MCTP1: variants seen among roughly 807,000 people sequenced by gnomAD.
MCTP1 encodes the protein multiple C2 and transmembrane domain-containing protein 1.
MCTP1 carries 69 observed loss-of-function variants against 120.6 expected under a neutral mutation model. The observed-to-expected ratio is 0.57, with a 90% confidence interval of 0.47 to 0.70. The LOEUF (loss-of-function observed/expected upper bound fraction) is 0.70. Ranked by LOEUF, MCTP1 falls within the 30% of genes least tolerant of loss-of-function variation. The pLI is 0.00. For missense variants in MCTP1, 1,203 were observed against 1,248.8 expected, an observed-to-expected ratio of 0.96 and a Z score of 0.55; for synonymous variants, 529 against 493.1, an observed-to-expected ratio of 1.07 and a Z score of -0.96.
intron 1 of MCTP1, among the ~76,000 whole-genome samples, chr5:95,101,342 C>T (rs908977427): frequency 6.6e-6 from 1 of 152,134 alleles, no homozygotes; most frequent in African/African-American, 2.4e-5. Flanking sequence ...GGTAATATTT[C>T]CTGTTGAGAT....
intron 1 of MCTP1, among the ~76,000 whole-genome samples, chr5:95,192,739 A>G (rs980742485): frequency 6.6e-6 from 1 of 152,118 alleles, no homozygotes; most frequent in African/African-American, 2.4e-5. Context: ...AGGGCTCTGA[A>G]AAGGCTTTAA....
chr5:95,207,468 C>G (rs761706603), intron 1 of MCTP1, among the ~76,000 whole-genome samples: 2 of 152,154 alleles, frequency 1.3e-5, no homozygotes, highest in African/African-American at 4.8e-5. Context: ...GCATACTCTT[C>G]AAAATGCTTT....
chr5:95,092,496 T>C (rs1392486564), intron 1 of MCTP1, among the ~76,000 whole-genome samples: 1 of 152,212 alleles, frequency 6.6e-6, no homozygotes, highest in African/African-American at 2.4e-5. Flanking sequence ...ATTTATTGTA[T>C]ATTTGCAAAT....
At chr5:94,747,089 A>G (rs1278765546) in intron 19 of MCTP1, among the ~76,000 whole-genome samples, 3 of 152,082 alleles carry the variant, frequency 2.0e-5, no homozygotes, top group Admixed American at 6.6e-5. Context: ...GCCTTTATCC[A>G]TATCTTCTGC....
At chr5:95,130,971 G>A (rs745748283) in intron 1 of MCTP1, among the ~76,000 whole-genome samples, 4 of 151,982 alleles carry the variant, frequency 2.6e-5, no homozygotes, top group African/African-American at 7.2e-5. Context: ...GGAAAATTCC[G>A]GGACACGTTT....
chr5:95,136,407 GT>G (rs1325338817), intron 1 of MCTP1, among the ~76,000 whole-genome samples: 1 of 152,228 alleles, frequency 6.6e-6, no homozygotes, highest in Admixed American at 6.5e-5. Context: ...GTGATGAGAT[GT>G]TAAGTTAAGC....
chr5:94,858,453 A>G (rs1795119939), intron 17 of MCTP1, among the ~76,000 whole-genome samples: 1 of 151,728 alleles, frequency 6.6e-6, no homozygotes, highest in Admixed American at 6.6e-5. Context: ...TATTATATCA[A>G]GTCGGCAATT....
chr5:94,871,017 C>T lies in MCTP1; in HGVS notation c.2140-44G>A, dbSNP rs1333089864. Reference sequence around the variant, plus strand: ...ACAGCCGTCTGTCTCGCGGTCTCTACTGAATACACTCCCTCAGTGACCTTT... The same window carrying T: ...ACAGCCGTCTGTCTCGCGGTCTCTATTGAATACACTCCCTCAGTGACCTTT... On this transcript the variant is annotated intron_variant, in intron 14 of 22. Coordinates refer to ENST00000515393, the MANE Select transcript of MCTP1 (RefSeq NM_024717.7). The T allele has an allele frequency of 2.8e-6, 4 of 1,453,780 alleles. 1 individual carries two copies. In the Admixed American group the frequency reaches 6.7e-5, roughly 24 times the overall value. The allele number at this position is 1,453,780 out of a possible 1,614,324, so 90.1% of individuals were successfully genotyped here. A position where few individuals can be genotyped will look rare whatever the true frequency, so the allele number is the denominator to read the frequency against.
At position 94,888,960 on chromosome 5, in the gene MCTP1, T is replaced by C. The variant is rs1801933122; in HGVS notation, c.1852A>G (p.Ile618Val). The C allele has an allele frequency of 1.9e-6, 3 of 1,612,988 alleles. No individual in the cohort carries two copies. The highest frequency in any genetic ancestry group is 2.5e-6 in the Non-Finnish European group (3 of 1,178,988). Residue 618 changes from isoleucine to valine, a missense_variant, in exon 12 of 23, where the codon ATA becomes GTA. Ile to Val is a conservative substitution (Grantham distance 29). This residue lies in a region of MCTP1 where 740 missense variants were observed against 871.1 expected (regional missense o/e 0.85). Coordinates refer to ENST00000515393, the MANE Select transcript of MCTP1 (RefSeq NM_024717.7). ...EILKRYSPLR[I>V]FHNLKDVGFL... ...CCCACATCTTTCAGGTTGTGAAATA[T>C]CCTCAATGGGCTCTGAAAGACCCCA... is the stretch of plus-strand genomic sequence containing the variant.
At chr5:95,063,587 G>A (rs1215031004) in intron 1 of MCTP1, among the ~76,000 whole-genome samples, 2 of 152,070 alleles carry the variant, frequency 1.3e-5, no homozygotes, top group East Asian at 3.8e-4. Flanking sequence ...TTTGATGCAG[G>A]ATGTTCACTA....
intron 1 of MCTP1, among the ~76,000 whole-genome samples, chr5:95,028,214 T>A (rs1388379633): frequency 6.6e-6 from 1 of 152,156 alleles, no homozygotes; most frequent in East Asian, 1.9e-4. Flanking sequence ...TTAATAATGA[T>A]ACGGTAGAAA....
intron 19 of MCTP1, among the ~76,000 whole-genome samples, chr5:94,738,787 TTG>T (rs536536044): frequency 1.2e-4 from 18 of 152,262 alleles, no homozygotes; most frequent in African/African-American, 3.4e-4. Flanking sequence ...ACGGCGATTG[TTG>T]TGTGTTTTAA....
At chr5:95,074,058 G>A (rs974086760) in intron 1 of MCTP1, among the ~76,000 whole-genome samples, 1 of 152,224 alleles carries the variant, frequency 6.6e-6, no homozygotes, top group Non-Finnish European at 1.5e-5. Flanking sequence ...GGAGGTTGCA[G>A]TGAGCAGAGA....
intron 1 of MCTP1, among the ~76,000 whole-genome samples, chr5:95,112,929 T>C (rs924356259): frequency 5.9e-5 from 9 of 152,226 alleles, no homozygotes; most frequent in African/African-American, 2.2e-4. Flanking sequence ...TATAGTTATA[T>C]ACTTTTAAAA....
Position 94,909,267 on chromosome 5 carries a change from C to T in MCTP1, c.1636G>A (p.Asp546Asn). ...TAWDKDAGKR[D>N]DFIGRCQVDL... ...TGCACAAACCTGCCAATGAAATCAT[C>T]CCTTTTCCCAGCATCTTTGTCCCAT... The change falls in exon 10 of 23, where the codon GAT becomes AAT. Residue 546 changes from aspartate to asparagine, a missense_variant. Physicochemically the swap from Asp to Asn is conservative, Grantham distance 23. Coordinates refer to ENST00000515393, the MANE Select transcript of MCTP1 (RefSeq NM_024717.7). 2 of 1,611,892 alleles carry T rather than the reference C, an allele frequency of 1.2e-6. No homozygotes were observed. Among genetic ancestry groups the T allele is most frequent in the Non-Finnish European group, 1.7e-6 (2 of 1,178,930 alleles).
intron 17 of MCTP1, among the ~76,000 whole-genome samples, chr5:94,846,813 GTGTC>G (rs1431134566): frequency 7.7e-6 from 1 of 129,828 alleles, no homozygotes; most frequent in African/African-American, 3.2e-5. Flanking sequence ...GTCTCTGTGT[GTGTC>G]TGTGTGTGTG....
chr5:95,028,150 C>T (rs1040743531), intron 1 of MCTP1, among the ~76,000 whole-genome samples: 1 of 151,952 alleles, frequency 6.6e-6, no homozygotes, highest in Admixed American at 6.6e-5. Context: ...GTTAGGATGG[C>T]CATGTAACTG....
intron 2 of MCTP1, among the ~76,000 whole-genome samples, chr5:95,002,591 A>T (rs1201427152): frequency 6.6e-6 from 1 of 152,214 alleles, no homozygotes; most frequent in Non-Finnish European, 1.5e-5. Context: ...TTGGACTTGT[A>T]TGGGGCCTGT....
At chr5:94,971,925 C>G (rs1463502133) in intron 2 of MCTP1, among the ~76,000 whole-genome samples, 2 of 152,110 alleles carry the variant, frequency 1.3e-5, no homozygotes, top group Non-Finnish European at 2.9e-5. Flanking sequence ...TGCAACAAAC[C>G]TAGCCCACCA....
Sources: allele counts gnomAD v4.1 joint callset (sites outside exome capture counted in the v4.1 genomes callset), GRCh38; gene constraint gnomAD v4.1.1; regional missense constraint gnomAD v4.1.1; transcripts MANE v1.5; gene names NCBI Gene and HGNC (gene_info 2026-07-23, HGNC 2026-07-21).